The following COL7A1 variants were observed in gnomAD, a reference collection of about 807,000 sequenced individuals.
The protein encoded by COL7A1 is collagen type VII alpha 1 chain.
A neutral mutation model predicts 456.2 loss-of-function variants in COL7A1; 296 were observed. The ratio of observed to expected loss-of-function variants is 0.65; its 90% CI spans 0.59 to 0.71. The LOEUF is 0.71. Ranked by LOEUF, COL7A1 falls within the 30% of genes least tolerant of loss-of-function variation. COL7A1 has a pLI of 0.00. For synonymous variants in COL7A1, 1,464 were observed against 1,525.9 expected, an observed-to-expected ratio of 0.96 and a Z score of 0.95; for missense variants, 3,441 against 4,017.2, an observed-to-expected ratio of 0.86 and a Z score of 3.88.
chr3:48,587,517 C>T lies in COL7A1; in HGVS notation c.2895G>A (p.Val965=). 6.2e-7 allele frequency: 1 copy of T among 1,613,506 alleles called. No homozygotes were observed. Among genetic ancestry groups the T allele is most frequent in the Non-Finnish European group, 8.5e-7 (1 of 1,180,024 alleles). ...AAGTCACCGAGTCGATCGAGGTGTC[C>T]ACCACACGTAGTTCAATGCTTGGAA... ...PRVPSIELRV[V]DTSIDSVTLA... Residue 965 remains valine, a synonymous_variant, in exon 23 of 119, where the codon GTG becomes GTA. Coordinates refer to ENST00000681320, the MANE Select transcript of COL7A1 (RefSeq NM_000094.4). This position sits in a 1 kb window ranked among gnomAD's most constrained non-coding sequence, Gnocchi z 6.1.
intron 18 of COL7A1, 100 bp downstream of exon 18, chr3:48,589,227 T>C: frequency 6.4e-7 from 1 of 1,565,722 alleles, no homozygotes; most frequent in South Asian, 1.1e-5. Context: ...GACAGGACAG[T>C]CACTGAGCAG....
Position 48,580,529 on chromosome 3 carries a change from T to C in COL7A1, c.5052+52A>G. On this transcript the variant is annotated intron_variant, in intron 55 of 118. Transcript: ENST00000681320. The surrounding 1 kb of genome is among the most constrained non-coding windows in gnomAD (Gnocchi z 4.5). The stretch of plus-strand genomic sequence containing the variant: ...GGGGGTAGGATCAGGTATTGGGAAT[T>C]GGCTGGTTGGAGGGTTAAGGTTGGG... The C allele has an allele frequency of 3.8e-6, 6 of 1,589,020 alleles. No homozygotes were observed. The highest frequency in any genetic ancestry group is 5.2e-6 in the Non-Finnish European group (6 of 1,159,348).
chr3:48,578,313 A>G lies in COL7A1; in HGVS notation c.5532+8T>C, dbSNP rs1321882939. The G allele has an allele frequency of 4.3e-6, 7 of 1,612,206 alleles. No individual in the cohort carries two copies. In the Admixed American group the frequency reaches 5.0e-5, roughly 12 times the overall value. On this transcript the variant is annotated splice_region_variant and intron_variant, in intron 65 of 118. Coordinates refer to ENST00000681320, the MANE Select transcript of COL7A1 (RefSeq NM_000094.4). The surrounding 1 kb of genome is among the most constrained non-coding windows in gnomAD (Gnocchi z 4.7). ...AGGTTTCGCCGCAGCTGCCCTGGAC[A>G]CACTCACGTTTTTTCCATTCAGGCC...
rs1455826681 is a variant in COL7A1 at position 48,583,663 on chromosome 3, C to T, written c.4342-48G>A. 6.2e-7 allele frequency: 1 copy of T among 1,613,566 alleles called. No homozygotes were observed. Among genetic ancestry groups the T allele is most frequent in the Non-Finnish European group, 8.5e-7 (1 of 1,179,584 alleles). ...GGAAGACCGAAGGGAGGCCCTGCCC[C>T]CAGCACGCAGCCTCCCACCCCAGAA... is the stretch of plus-strand genomic sequence containing the variant. On this transcript the variant is annotated intron_variant, in intron 40 of 118. Transcript: ENST00000681320. The surrounding 1 kb of genome is among the most constrained non-coding windows in gnomAD (Gnocchi z 5.1).
chr3:48,566,972 C>A lies in COL7A1; in HGVS notation c.8161G>T (p.Ala2721Ser), dbSNP rs1175667137. The A allele has an allele frequency of 6.2e-7, 1 of 1,611,940 alleles. No homozygotes were observed. The highest frequency in any genetic ancestry group is 1.1e-5 in the South Asian group (1 of 91,032). The change falls in exon 111 of 119, where the codon GCT becomes TCT. Residue 2721 changes from alanine to serine, a missense_variant. Coordinates refer to ENST00000681320, the MANE Select transcript of COL7A1 (RefSeq NM_000094.4). This position sits in a 1 kb window ranked among gnomAD's most constrained non-coding sequence, Gnocchi z 5.9. ...CTGCCAGGTGGCCCTGGGGGACCAG[C>A]AGAGCCATCATTTCCACTGGGGCCT... ...FPGPSGNDGS[A>S]GPPGPPGSVG...
rs747522386 is a variant in COL7A1, at chr3:48,586,166, G to A, written c.3631C>T (p.Gln1211Ter). ...CCATCATCCACGGCGAAGAAGGTCT[G>A]GACAGAGTCCATACCCGGCGCCAAG... is the stretch of plus-strand genomic sequence containing the variant. ...RRLAPGMDSV[Q>*]TFFAVDDGPS... The change falls in exon 28 of 119, where the codon CAG (glutamine) becomes TAG (stop). Residue 1211 changes from glutamine to a stop codon, truncating the protein, a stop_gained. Coordinates refer to ENST00000681320, the MANE Select transcript of COL7A1 (RefSeq NM_000094.4). LOFTEE classifies it high-confidence loss of function. This position sits in a 1 kb window ranked among gnomAD's most constrained non-coding sequence, Gnocchi z 5.1. The A allele has an allele frequency of 5.6e-6, 9 of 1,613,336 alleles. No individual in the cohort carries two copies. Among genetic ancestry groups the A allele is most frequent in the East Asian group, 2.2e-5 (1 of 44,892 alleles).
rs1388587423 is a variant in COL7A1 at position 48,567,793 on chromosome 3, T to C, written c.7930-30A>G. 1 of 1,614,114 alleles carries C rather than the reference T, an allele frequency of 6.2e-7. No homozygotes were observed. ...AGGCATCAGGCAGTGGGGTGAGCCT[T>C]AGGCCCCAGGCCACGTAGCCCCCCA... On this transcript the variant is annotated intron_variant, in intron 107 of 118. Transcript: ENST00000681320. The surrounding 1 kb of genome is among the most constrained non-coding windows in gnomAD (Gnocchi z 4.3).
Position 48,594,134 on chromosome 3 carries a change from C to G in COL7A1, c.266+234G>C, listed in dbSNP as rs2045903723. Among the ~76,000 whole-genome samples, 1 of 152,258 alleles carries G rather than the reference C, an allele frequency of 6.6e-6. No individual in the cohort carries two copies. Among genetic ancestry groups the G allele is most frequent in the Admixed American group, 6.5e-5 (1 of 15,292 alleles). On this transcript the variant is annotated intron_variant, in intron 3 of 118. Transcript: ENST00000681320. This position sits in a 1 kb window ranked among gnomAD's most constrained non-coding sequence, Gnocchi z 5.5. ...CTCCAGATCAGAAAACACAGCCTCA[C>G]TGTCTTGCACCTTCCTGTCTTGCAG...
In COL7A1 at chr3:48,593,407, C is replaced by T. The variant is rs767282486; in HGVS notation, c.469G>A (p.Asp157Asn). The change falls in exon 5 of 119, where the codon GAC becomes AAC. Residue 157 changes from aspartate to asparagine, a missense_variant. Physicochemically the swap from Asp to Asn is conservative, Grantham distance 23. Around this residue, in one of 3 missense-constraint regions of COL7A1, gnomAD observed 913 missense variants for 1,088.2 expected, o/e 0.84. Coordinates refer to ENST00000681320, the MANE Select transcript of COL7A1 (RefSeq NM_000094.4). The surrounding 1 kb of genome is among the most constrained non-coding windows in gnomAD (Gnocchi z 4.4). ...CCCTTCAGCCTTTGGGCAGCTGTGT[C>T]CACCAGGTCCTGGGACTTCCCGTCT... ...ITDGKSQDLV[D>N]TAAQRLKGQG... 4.3e-6 allele frequency: 7 copies of T among 1,614,002 alleles called. No individual in the cohort carries two copies. Among genetic ancestry groups the T allele is most frequent in the Admixed American group, 3.3e-5 (2 of 60,006 alleles).
At position 48,573,691 on chromosome 3, in the gene COL7A1, G is replaced by A. The variant is rs140543032; in HGVS notation, c.6572C>T (p.Pro2191Leu). 38 of 1,612,732 alleles carry A rather than the reference G, an allele frequency of 2.4e-5. No individual in the cohort carries two copies. The highest frequency in any genetic ancestry group is 2.3e-4 in the African/African-American group (17 of 74,876). The part of the protein sequence containing the change: ...GHGDPGPPGA[P>L]GLAGPAGPQG... ...AGGCAGTGTTCCCTGGTCACTCACC[G>A]GGGCACCAGGTGGTCCAGGGTCTCC... Residue 2191 changes from proline to leucine, a missense_variant and splice_region_variant, in exon 82 of 119, where the codon CCG (proline) becomes CTG (leucine). This residue lies in a region of COL7A1 where 2,084 missense variants were observed against 2,501.3 expected (regional missense o/e 0.83). Coordinates refer to ENST00000681320, the MANE Select transcript of COL7A1 (RefSeq NM_000094.4). The surrounding 1 kb of genome is among the most constrained non-coding windows in gnomAD (Gnocchi z 5.5).
Position 48,588,997 on chromosome 3 carries a change from T to C in COL7A1, c.2315-2A>G. 1 of 1,613,334 alleles carries C rather than the reference T, an allele frequency of 6.2e-7. No homozygotes were observed. ...ACACACGACCCACAGGCTCAGGGGC[T>C]GGGGACAGAGGCAAGGTAAGGGGTC... On this transcript the variant is annotated splice_acceptor_variant, in intron 18 of 118. Coordinates refer to ENST00000681320, the MANE Select transcript of COL7A1 (RefSeq NM_000094.4). LOFTEE classifies it high-confidence loss of function. The surrounding 1 kb of genome is among the most constrained non-coding windows in gnomAD (Gnocchi z 4.6).
rs544384583 is a variant in COL7A1 at position 48,579,910 on chromosome 3, G to A, written c.5125-96C>T. ...TCTGTGAGGGGCTCCAGGGATCCGCGGAGGTTTCAGAGGGACAGTGGGGGA... is the reference window on the plus strand; with the variant it reads ...TCTGTGAGGGGCTCCAGGGATCCGCAGAGGTTTCAGAGGGACAGTGGGGGA... On this transcript the variant is annotated intron_variant, in intron 57 of 118. Transcript: ENST00000681320. This position sits in a 1 kb window ranked among gnomAD's most constrained non-coding sequence, Gnocchi z 4.4. 4,945 of 1,607,416 alleles carry A rather than the reference G, an allele frequency of 3.1e-3. 14 individuals are homozygous for A. The highest frequency in any genetic ancestry group is 3.8e-3 in the Non-Finnish European group (4,457 of 1,174,092).
intron 66 of COL7A1, 36 bp downstream of exon 66, chr3:48,576,956 G>A: frequency 1.2e-6 from 2 of 1,613,992 alleles, no homozygotes; most frequent in South Asian, 1.1e-5. Flanking sequence ...ATGGCTCCAA[G>A]CAGAGACCAG....
chr3:48,582,783 A>T lies in COL7A1; in HGVS notation c.4519-130T>A, dbSNP rs983860704. ...TGGGATTTAGGTTGGCAGGGGTAAG[A>T]CTTGGCAGGAGAACAGAGACCAGGT... On this transcript the variant is annotated intron_variant, in intron 44 of 118. Coordinates refer to ENST00000681320, the MANE Select transcript of COL7A1 (RefSeq NM_000094.4). 8 of 1,169,970 alleles carry T rather than the reference A, an allele frequency of 6.8e-6. No individual in the cohort carries two copies. The South Asian group carries it at 9.0e-5, about 13-fold the overall frequency. The allele number at this position is 1,169,970 out of a possible 1,614,324, so 72.5% of individuals were successfully genotyped here.
chr3:48,565,543 A>C lies in COL7A1; in HGVS notation c.8441-47T>G. 1 of 1,613,648 alleles carries C rather than the reference A, an allele frequency of 6.2e-7. No individual in the cohort carries two copies. The highest frequency in any genetic ancestry group is 8.5e-7 in the Non-Finnish European group (1 of 1,179,568). ...TCAGGGCCCTGAAGTCACCATGGGC[A>C]GCCATCCCAGCCAACCCCCCTGAGA... On this transcript the variant is annotated intron_variant, in intron 115 of 118. Coordinates refer to ENST00000681320, the MANE Select transcript of COL7A1 (RefSeq NM_000094.4). This position sits in a 1 kb window ranked among gnomAD's most constrained non-coding sequence, Gnocchi z 4.5.
Position 48,565,537 on chromosome 3 carries a change from A to C in COL7A1, c.8441-41T>G. ...GGGGCCTCAGGGCCCTGAAGTCACC[A>C]TGGGCAGCCATCCCAGCCAACCCCC... On this transcript the variant is annotated intron_variant, in intron 115 of 118. Coordinates refer to ENST00000681320, the MANE Select transcript of COL7A1 (RefSeq NM_000094.4). The surrounding 1 kb of genome is among the most constrained non-coding windows in gnomAD (Gnocchi z 4.5). 1 of 1,613,398 alleles carries C rather than the reference A, an allele frequency of 6.2e-7. No individual in the cohort carries two copies. Among genetic ancestry groups the C allele is most frequent in the Non-Finnish European group, 8.5e-7 (1 of 1,179,376 alleles).
chr3:48,589,070 A>T (rs570959767), intron 18 of COL7A1, 75 bp from the exon 19 acceptor site: 3 of 1,606,472 alleles, frequency 1.9e-6, no homozygotes, highest in African/African-American at 1.3e-5. Flanking sequence ...CGCAGGGGTG[A>T]TCTGAAAGTC....
In COL7A1 at chr3:48,573,120, GC is replaced by G. The variant is rs1342623310; in HGVS notation, c.6714+53del. 4.3e-6 allele frequency: 7 copies of G among 1,613,914 alleles called. No homozygotes were observed. The highest frequency in any genetic ancestry group is 2.7e-5 in the African/African-American group (2 of 74,910). ...CACAGGACGACATGAGAGAACATGG[GC>G]CCCAAGGAGTGAAAACACGGTGTCC... On this transcript the variant is annotated intron_variant, in intron 85 of 118. Transcript: ENST00000681320. The surrounding 1 kb of genome is among the most constrained non-coding windows in gnomAD (Gnocchi z 5.5).
rs1420260766 is a variant in COL7A1, at chr3:48,564,353, C to A, written c.*53G>T. ...CAAGGGGAGGGACAGTGGGGTTCTG[C>A]TGAGACCCCGACTCCTCCAGGGGAT... On this transcript the variant is annotated 3_prime_UTR_variant, in exon 119 of 119. Coordinates refer to ENST00000681320, the MANE Select transcript of COL7A1 (RefSeq NM_000094.4). This position sits in a 1 kb window ranked among gnomAD's most constrained non-coding sequence, Gnocchi z 6.0. The A allele has an allele frequency of 1.2e-6, 2 of 1,607,970 alleles. No individual in the cohort carries two copies. The highest frequency in any genetic ancestry group is 1.7e-6 in the Non-Finnish European group (2 of 1,174,682).
Sources: allele counts gnomAD v4.1 joint callset (sites outside exome capture counted in the v4.1 genomes callset), GRCh38; gene constraint gnomAD v4.1.1; regional missense constraint gnomAD v4.1.1; non-coding constraint Gnocchi (gnomAD v3.1); transcripts MANE v1.5; gene names NCBI Gene and HGNC (gene_info 2026-07-23, HGNC 2026-07-21).